Variants in TMC6 observed in about 807,000 individuals in gnomAD.
The protein encoded by TMC6 is transmembrane channel-like protein 6.
Under a neutral mutation model 95.4 loss-of-function variants are expected in TMC6, and 71 were observed. The observed-to-expected ratio is 0.74, with a 90% CI of 0.61 to 0.91. TMC6 has a LOEUF of 0.91. Among genes scored for constraint, TMC6 ranks in the 40% least tolerant of loss-of-function variants. The pLI is 0.00. For missense variants in TMC6, 1,074 were observed against 1,079.1 expected (o/e 1.00, Z 0.07); for synonymous variants, 514 against 483.1 (o/e 1.06, Z -0.84).
Position 78,124,158 on chromosome 17 carries a change from T to C in TMC6, c.913A>G (p.Met305Val). The change falls in exon 9 of 20, where the codon ATG becomes GTG. Residue 305 changes from methionine to valine, a missense_variant. Transcript: ENST00000590602. Reference sequence around the variant, plus strand: ...GCGTTACTGTAGTGGCCGTAGTACATGACGGTGTGGGTGAAGCAACCCTGC... The same window carrying C: ...GCGTTACTGTAGTGGCCGTAGTACACGACGGTGTGGGTGAAGCAACCCTGC... The part of the protein sequence containing the change: ...TGAGCFTHTV[M>V]YYGHYSNATL... 2 of 1,611,978 alleles carry C rather than the reference T, an allele frequency of 1.2e-6. No homozygotes were observed. The highest frequency in any genetic ancestry group is 1.3e-5 in the African/African-American group (1 of 74,962).
intron 18 of TMC6, among the ~76,000 whole-genome samples, chr17:78,116,752 G>A (rs1314890871): frequency 1.3e-5 from 2 of 152,092 alleles, no homozygotes; most frequent in Non-Finnish European, 2.9e-5. Context: ...GTGGCGGCAG[G>A]CCCTGTACTC....
In TMC6 at chr17:78,121,250, T is replaced by G; in HGVS notation, c.1384-86A>C. 1 of 1,532,030 alleles carries G rather than the reference T, an allele frequency of 6.5e-7. No homozygotes were observed. Among genetic ancestry groups the G allele is most frequent in the South Asian group, 1.2e-5 (1 of 83,858 alleles). 94.9% of individuals were successfully genotyped at this position (1,532,030 alleles called of 1,614,324 possible). ...TACAGGGAAGGGCCCGGGGTGGAAC[T>G]GGCAGGTAGCACCTCCCTCCTCCAA... On this transcript the variant is annotated intron_variant, in intron 11 of 19. Coordinates refer to ENST00000590602, the MANE Select transcript of TMC6 (RefSeq NM_001127198.5). The surrounding 1 kb of genome is among the most constrained non-coding windows in gnomAD (Gnocchi z 5.6).
rs1269424060 is a variant in TMC6, at chr17:78,112,912, G to A, written c.*236C>T. Reference sequence around the variant, plus strand: ...TGGTCACAGACACAGAGCCCCAAGGGACAAGCCCATTTGCAAAACCCCTTT... The same window carrying A: ...TGGTCACAGACACAGAGCCCCAAGGAACAAGCCCATTTGCAAAACCCCTTT... On this transcript the variant is annotated 3_prime_UTR_variant, in exon 20 of 20. Coordinates refer to ENST00000590602, the MANE Select transcript of TMC6 (RefSeq NM_001127198.5). The A allele has an allele frequency of 3.5e-6, 2 of 577,614 alleles. No homozygotes were observed. Among genetic ancestry groups the A allele is most frequent in the East Asian group, 3.0e-5 (1 of 33,632 alleles). The allele number at this position is 577,614 out of a possible 1,614,324, so 35.8% of individuals were successfully genotyped here.
In TMC6 at chr17:78,126,594, G is replaced by A. The variant is rs779839680; in HGVS notation, c.111C>T (p.Leu37=). The stretch of plus-strand genomic sequence containing the variant: ...CCGTGCACTGGCTCTGCTCCTGGAT[G>A]AGCTGCTGGAAGGAGTCGTGCACTT... The part of the protein sequence containing the change: ...ESEVHDSFQQ[L]IQEQSQCTAQ... Residue 37 remains leucine (L), a synonymous_variant, in exon 3 of 20, where the codon CTC becomes CTT. Coordinates refer to ENST00000590602, the MANE Select transcript of TMC6 (RefSeq NM_001127198.5). 2.0e-5 allele frequency: 32 copies of A among 1,613,630 alleles called. No individual in the cohort carries two copies. In the Admixed American group the frequency reaches 5.0e-4, roughly 25 times the overall value.
rs768073940 is a variant in TMC6, at chr17:78,109,324, C to G, written c.*3824G>C. On this transcript the variant is annotated 3_prime_UTR_variant, in exon 20 of 20. Transcript: ENST00000590602. ...CAGTGGGGCATCCCGAGAAGATCCT[C>G]TGCAGGAGTGCGGTGTCTACGGATG... The G allele has an allele frequency of 2.6e-6, 1 of 389,420 alleles. No homozygotes were observed. The highest frequency in any genetic ancestry group is 3.7e-4 in the Middle Eastern group (1 of 2,708). The allele number at this position is 389,420 out of a possible 1,614,324, so 24.1% of individuals were successfully genotyped here. A position where few individuals can be genotyped will look rare whatever the true frequency, so the allele number is the denominator to read the frequency against.
intron 18 of TMC6, among the ~76,000 whole-genome samples, chr17:78,115,416 G>A (rs1212135345): frequency 6.6e-6 from 1 of 152,198 alleles, no homozygotes; most frequent in African/African-American, 2.4e-5. Context: ...GCAATGGGAG[G>A]GGATGGGGAG....
rs2073809205 is a variant in TMC6 at position 78,110,742 on chromosome 17, A to G, written c.*2406T>C. 1 of 152,180 alleles carries G rather than the reference A, an allele frequency of 6.6e-6. No individual in the cohort carries two copies. Among genetic ancestry groups the G allele is most frequent in the Admixed American group, 6.5e-5 (1 of 15,286 alleles). 9.4% of individuals were successfully genotyped at this position (152,180 alleles called of 1,614,324 possible). A position where few individuals can be genotyped will look rare whatever the true frequency, so the allele number is the denominator to read the frequency against. ...AACATGGCCTCCTTGCAACACCTCA[A>G]ATGGGTGCCAGGCATGGTACGCAGC... On this transcript the variant is annotated 3_prime_UTR_variant, in exon 20 of 20. Coordinates refer to ENST00000590602, the MANE Select transcript of TMC6 (RefSeq NM_001127198.5).
rs996784836 is a variant in TMC6 at position 78,109,421 on chromosome 17, G to A, written c.*3727C>T. 22 of 456,428 alleles carry A rather than the reference G, an allele frequency of 4.8e-5. No individual in the cohort carries two copies. The highest frequency in any genetic ancestry group is 6.5e-4 in the Middle Eastern group (2 of 3,092). The allele number at this position is 456,428 out of a possible 1,614,324, so 28.3% of individuals were successfully genotyped here. On this transcript the variant is annotated 3_prime_UTR_variant, in exon 20 of 20. Coordinates refer to ENST00000590602, the MANE Select transcript of TMC6 (RefSeq NM_001127198.5). ...GCTCTGCATATCAGTGCTTCTCGGC[G>A]GAGCTGTGGCTGATGGGCTCCTGGT...
At position 78,121,011 on chromosome 17, in the gene TMC6, A is replaced by G. The variant is rs753596652; in HGVS notation, c.1535+2T>C. On this transcript the variant is annotated splice_donor_variant, in intron 12 of 19. Transcript: ENST00000590602. LOFTEE classifies it high-confidence loss of function. The surrounding 1 kb of genome is among the most constrained non-coding windows in gnomAD (Gnocchi z 5.6). ...ATGATGTTTTCATGTGCGGCCACAC[A>G]CCTGCAGATGGCCACGTACACCTCC... 6.2e-7 allele frequency: 1 copy of G among 1,613,258 alleles called. No individual in the cohort carries two copies. Among genetic ancestry groups the G allele is most frequent in the Admixed American group, 1.7e-5 (1 of 60,020 alleles).
At chr17:78,131,816 C>G, upstream of TMC6, 2 of 1,505,318 alleles carry the variant, frequency 1.3e-6, no homozygotes, top group Non-Finnish European at 1.8e-6. Flanking sequence ...GGGAGCACCC[C>G]GTCTGCTTGG....
In TMC6 at chr17:78,121,579, C is replaced by T. The variant is rs772827765; in HGVS notation, c.1360G>A (p.Val454Ile). 6.8e-6 allele frequency: 11 copies of T among 1,611,554 alleles called. No individual in the cohort carries two copies. In the South Asian group the frequency reaches 8.8e-5, roughly 13 times the overall value. ...ACCTGGATCATGAACTCCGAGAAGA[C>T]GTGGACGGCCACGGCGCAGCCCAGC... ...TALGCAVAVH[V>I]FSEFMIQSPE... Residue 454 changes from valine to isoleucine, a missense_variant, in exon 11 of 20, where the codon GTC (valine) becomes ATC (isoleucine). Coordinates refer to ENST00000590602, the MANE Select transcript of TMC6 (RefSeq NM_001127198.5). The surrounding 1 kb of genome is among the most constrained non-coding windows in gnomAD (Gnocchi z 5.6).
intron 18 of TMC6, among the ~76,000 whole-genome samples, chr17:78,114,412 C>G (rs188684879): frequency 3.6e-4 from 55 of 152,294 alleles, no homozygotes; most frequent in African/African-American, 1.3e-3. Context: ...CGTAATTCCC[C>G]AGCCACGCAA....
rs1354704825 is a variant in TMC6, at chr17:78,116,068, G to A, written c.2277+1201C>T. ...TCTGTCGCCCGGGCTGGAGTGCAGT[G>A]GCGCAATCTGGGCTGATTCTCCTGC... is the stretch of plus-strand genomic sequence containing the variant. On this transcript the variant is annotated intron_variant, in intron 18 of 19. Transcript: ENST00000590602. Among the ~76,000 whole-genome samples, 3 of 152,024 alleles carry A rather than the reference G, an allele frequency of 2.0e-5. No homozygotes were observed. In the East Asian group the frequency reaches 5.8e-4, roughly 29 times the overall value.
rs1037194448 is a variant in TMC6 at position 78,128,556 on chromosome 17, C to T, written c.-75+56G>A. 1 of 152,262 alleles carries T rather than the reference C, an allele frequency of 6.6e-6. No homozygotes were observed. The highest frequency in any genetic ancestry group is 1.5e-5 in the Non-Finnish European group (1 of 68,090). 9.4% of individuals were successfully genotyped at this position (152,262 alleles called of 1,614,324 possible). ...TCAGGGGGGATTGCCGCTGTCCCCG[C>T]ATAGGAGAAGCAGCTGGGGCTGGCG... On this transcript the variant is annotated intron_variant, in intron 1 of 19. Coordinates refer to ENST00000590602, the MANE Select transcript of TMC6 (RefSeq NM_001127198.5). The surrounding 1 kb of genome is among the most constrained non-coding windows in gnomAD (Gnocchi z 4.0).
Position 78,117,253 on chromosome 17 carries a change from C to G in TMC6, c.2277+16G>C. The stretch of plus-strand genomic sequence containing the variant: ...GAGAGGGTGGGGGCTGAGAGCAGCC[C>G]AGGAGGGGCACTCACATTGCTGATC... On this transcript the variant is annotated intron_variant, in intron 18 of 19. Coordinates refer to ENST00000590602, the MANE Select transcript of TMC6 (RefSeq NM_001127198.5). 1 of 1,613,274 alleles carries G rather than the reference C, an allele frequency of 6.2e-7. No homozygotes were observed. The highest frequency in any genetic ancestry group is 8.5e-7 in the Non-Finnish European group (1 of 1,179,904).
rs1182247373 is a variant in TMC6 at position 78,125,716 on chromosome 17, A to G, written c.430+10T>C. 1 of 1,561,876 alleles carries G rather than the reference A, an allele frequency of 6.4e-7. No homozygotes were observed. Among genetic ancestry groups the G allele is most frequent in the Non-Finnish European group, 8.7e-7 (1 of 1,153,694 alleles). ...GTCCGCCACTGGGGCTCCAGTGCCC[A>G]CTCACTCACCCTCCTCCTCCAGGGC... On this transcript the variant is annotated intron_variant, in intron 5 of 19. Transcript: ENST00000590602.
Position 78,109,473 on chromosome 17 carries a change from G to A in TMC6, c.*3675C>T, listed in dbSNP as rs1282708392. ...CAGGACTGGCCCCTGAACAGCACAA[G>A]TGTAGTATGCCTGGGCCCCAGGTCA... On this transcript the variant is annotated 3_prime_UTR_variant, in exon 20 of 20. Coordinates refer to ENST00000590602, the MANE Select transcript of TMC6 (RefSeq NM_001127198.5). 6.6e-6 allele frequency: 3 copies of A among 456,612 alleles called. No homozygotes were observed. The highest frequency in any genetic ancestry group is 1.5e-5 in the South Asian group (1 of 64,566). The allele number at this position is 456,612 out of a possible 1,614,324, so 28.3% of individuals were successfully genotyped here.
Position 78,117,520 on chromosome 17 carries a change from G to T in TMC6, c.2146C>A (p.Arg716=). The T allele has an allele frequency of 6.2e-7, 1 of 1,605,398 alleles. No homozygotes were observed. Among genetic ancestry groups the T allele is most frequent in the Non-Finnish European group, 8.5e-7 (1 of 1,177,398 alleles). Residue 716 remains arginine (R), a synonymous_variant, in exon 17 of 20, where the codon CGG becomes AGG. Transcript: ENST00000590602. ...AAGAAGGTGTTTTCCATCAGGTACC[G>T]GTGCACCCAGGGCAGCCAGGAGACC... ...PRVSWLPWVH[R]YLMENTFFVF...
chr17:78,127,158 G>A (rs1040892144), intron 1 of TMC6: 2 of 519,188 alleles, frequency 3.9e-6, no homozygotes, highest in Non-Finnish European at 7.0e-6. Flanking sequence ...TTCCACATCT[G>A]TTTCCTCGAT....
Sources: allele counts gnomAD v4.1 joint callset (sites outside exome capture counted in the v4.1 genomes callset), GRCh38; gene constraint gnomAD v4.1.1; non-coding constraint Gnocchi (gnomAD v3.1); transcripts MANE v1.5; gene names NCBI Gene and HGNC (gene_info 2026-07-23, HGNC 2026-07-21).